SLC30A7: variants seen among roughly 807,000 people sequenced by gnomAD.
SLC30A7 encodes the protein solute carrier family 30 member 7.
SLC30A7 carries 35 observed loss-of-function variants against 46.0 expected under a neutral mutation model. The ratio of observed to expected loss-of-function variants is 0.76; its 90% CI spans 0.58 to 1.01. SLC30A7 has a LOEUF of 1.01. Ranked by LOEUF, SLC30A7 falls within the 50% of genes least tolerant of loss-of-function variation. SLC30A7 has a pLI of 0.00. For missense variants in SLC30A7, 464 were observed against 451.1 expected (o/e 1.03, Z -0.26); for synonymous variants, 147 against 157.8 (o/e 0.93, Z 0.51).
the SLC30A7 span, chr1:100,990,661 A>T: frequency 6.3e-6 from 10 of 1,596,152 alleles, no homozygotes; most frequent in African/African-American, 1.3e-5. Flanking sequence ...CTGCTATTCA[A>T]TTCAGCAAAT....
At chr1:100,906,449 A>G (rs143384556) in intron 2 of SLC30A7, among the ~76,000 whole-genome samples, 1 of 152,270 alleles carries the variant, frequency 6.6e-6, no homozygotes, top group East Asian at 1.9e-4. Flanking sequence ...GTGGAGCAGG[A>G]TACTCAACAA....
downstream of SLC30A7, among the ~76,000 whole-genome samples, chr1:100,986,145 C>A (rs914773296): frequency 1.3e-5 from 2 of 152,212 alleles, no homozygotes; most frequent in Admixed American, 1.3e-4. Context: ...CACAGTGGCT[C>A]ATGCCTGTAA....
Position 100,978,214 on chromosome 1 carries a change from C to T in SLC30A7, c.*3357C>T, listed in dbSNP as rs1656679181. 1 of 152,166 alleles carries T rather than the reference C, an allele frequency of 6.6e-6. No homozygotes were observed. The highest frequency in any genetic ancestry group is 1.5e-5 in the Non-Finnish European group (1 of 68,034). 9.4% of individuals were successfully genotyped at this position (152,166 alleles called of 1,614,324 possible). ...CCTTGTGCTGTCATTTCCCTTATAT[C>T]TGGAATTTGTCAGCATTCCTGAAAA... On this transcript the variant is annotated 3_prime_UTR_variant, in exon 11 of 11. Coordinates refer to ENST00000357650, the MANE Select transcript of SLC30A7 (RefSeq NM_133496.5).
At chr1:100,944,083 G>A (rs936674273) in intron 8 of SLC30A7, among the ~76,000 whole-genome samples, 9 of 152,136 alleles carry the variant, frequency 5.9e-5, no homozygotes, top group African/African-American at 2.2e-4. Flanking sequence ...ACAGGGTCTG[G>A]CTCTGTCACC....
In SLC30A7 at chr1:100,965,696, GT is replaced by G. The variant is rs1655819218; in HGVS notation, c.934-71del. 2.4e-6 allele frequency: 3 copies of G among 1,236,758 alleles called. No homozygotes were observed. In the African/African-American group the frequency reaches 4.5e-5, roughly 19 times the overall value. The allele number at this position is 1,236,758 out of a possible 1,614,324, so 76.6% of individuals were successfully genotyped here. On this transcript the variant is annotated intron_variant, in intron 9 of 10. Coordinates refer to ENST00000357650, the MANE Select transcript of SLC30A7 (RefSeq NM_133496.5). ...CGATAGAATCCATGTTTACTGATAT[GT>G]TGCATAATAACTTAAGTAAAAGGGA...
chr1:100,945,252 C>T (rs866664689), intron 8 of SLC30A7, among the ~76,000 whole-genome samples: 13 of 152,148 alleles, frequency 8.5e-5, no homozygotes, highest in South Asian at 4.2e-4. Context: ...TTCACTCTGA[C>T]GGTAGTTTCT....
At chr1:100,916,182 T>TATTC (rs2101025088) in intron 6 of SLC30A7, among the ~76,000 whole-genome samples, 1 of 151,818 alleles carries the variant, frequency 6.6e-6, no homozygotes, top group East Asian at 1.9e-4. Flanking sequence ...ATATTCTTAT[T>TATTC]ATTTATTTAT....
At chr1:100,919,872 G>A (rs938477202) in intron 7 of SLC30A7, among the ~76,000 whole-genome samples, 5 of 152,084 alleles carry the variant, frequency 3.3e-5, no homozygotes, top group African/African-American at 1.2e-4. Flanking sequence ...AATTAATTAT[G>A]TTTTTCAATT....
chr1:100,941,990 G>A (rs1023085840), intron 8 of SLC30A7: 2 of 244,962 alleles, frequency 8.2e-6, no homozygotes, highest in Admixed American at 4.8e-5. Flanking sequence ...AACTGACTGC[G>A]ACGTGACGGC....
chr1:100,906,155 T>C (rs1651653065), intron 2 of SLC30A7, among the ~76,000 whole-genome samples: 1 of 152,192 alleles, frequency 6.6e-6, no homozygotes, highest in African/African-American at 2.4e-5. Flanking sequence ...TCCTACTACT[T>C]TGTGATTAGT....
rs572428699 is a variant in SLC30A7, at chr1:100,961,203, C to T, written c.843-625C>T. 1.2e-3 allele frequency among the ~76,000 whole-genome samples: 180 copies of T among 152,028 alleles called. 1 individual carries two copies. The highest frequency in any genetic ancestry group is 4.2e-3 in the African/African-American group (175 of 41,478). On this transcript the variant is annotated intron_variant, in intron 8 of 10. Coordinates refer to ENST00000357650, the MANE Select transcript of SLC30A7 (RefSeq NM_133496.5). The stretch of plus-strand genomic sequence containing the variant: ...GTCTCGATATCCTGACCTTGTGATC[C>T]ACCCGCCTTGGCTTCCCAAAGTGCT...
rs1656506561 is a variant in SLC30A7, at chr1:100,976,371, A to G, written c.*1514A>G. The stretch of plus-strand genomic sequence containing the variant: ...AGCAGCATTTTATTGAGTTTGAATT[A>G]TTAAAGGTACAGAGGAAATGTGGTG... On this transcript the variant is annotated 3_prime_UTR_variant, in exon 11 of 11. Coordinates refer to ENST00000357650, the MANE Select transcript of SLC30A7 (RefSeq NM_133496.5). The G allele has an allele frequency of 6.6e-6, 1 of 152,242 alleles. No homozygotes were observed. Among genetic ancestry groups the G allele is most frequent in the South Asian group, 2.1e-4 (1 of 4,836 alleles). 9.4% of individuals were successfully genotyped at this position (152,242 alleles called of 1,614,324 possible).
At chr1:100,961,595 T>A (rs1434735746) in intron 8 of SLC30A7, among the ~76,000 whole-genome samples, 1 of 152,260 alleles carries the variant, frequency 6.6e-6, no homozygotes, top group East Asian at 1.9e-4. Flanking sequence ...ATTTCAGTTT[T>A]ATAGCTTTAC....
chr1:100,957,341 G>A (rs1261342805), intron 8 of SLC30A7, among the ~76,000 whole-genome samples: 1 of 152,150 alleles, frequency 6.6e-6, no homozygotes, highest in Non-Finnish European at 1.5e-5. Context: ...AAATCATTTT[G>A]CCAAGTATAT....
chr1:100,939,575 G>A (rs1007382725), intron 8 of SLC30A7, among the ~76,000 whole-genome samples: 3 of 151,660 alleles, frequency 2.0e-5, no homozygotes, highest in African/African-American at 7.3e-5. Flanking sequence ...GGTGGCTCTC[G>A]CCTGTAATCC....
At position 100,915,050 on chromosome 1, in the gene SLC30A7, T is replaced by C. The variant is rs115908184; in HGVS notation, c.655+1244T>C. Among the ~76,000 whole-genome samples, 996 of 146,760 alleles carry C rather than the reference T, an allele frequency of 6.8e-3. 17 individuals carry two copies. The highest frequency in any genetic ancestry group is 0.022 in the African/African-American group (870 of 39,680). On this transcript the variant is annotated intron_variant, in intron 6 of 10. Coordinates refer to ENST00000357650, the MANE Select transcript of SLC30A7 (RefSeq NM_133496.5). The stretch of plus-strand genomic sequence containing the variant: ...AAGTATGCACCCATGAAACCATCAC[T>C]ATGATTTCTCCAATAAACATATCCG...
intron 6 of SLC30A7, 125 bp downstream of exon 6, chr1:100,913,931 T>C (rs1435047597): frequency 4.5e-6 from 6 of 1,339,810 alleles, no homozygotes; most frequent in Non-Finnish European, 6.0e-6. Context: ...TGAATCAGTC[T>C]AAATGGTTCC....
Position 100,913,736 on chromosome 1 carries a change from C to A in SLC30A7, c.585C>A (p.Ser195Arg). The change falls in exon 6 of 11, where the codon AGC (serine) becomes AGA (arginine). Residue 195 changes from serine to arginine, a missense_variant. Ser to Arg is a moderately radical substitution (Grantham distance 110). Transcript: ENST00000357650. ...QAHGHVDHCH[S>R]HEVKHGAAHS... ...ATGGCCATGTCGATCATTGCCATAG[C>A]CATGAAGTGAAACATGGTGCTGCAC... The A allele has an allele frequency of 1.2e-6, 2 of 1,613,884 alleles. No homozygotes were observed. The highest frequency in any genetic ancestry group is 1.7e-5 in the Admixed American group (1 of 60,006).
chr1:100,963,168 A>G (rs546343070), intron 9 of SLC30A7, among the ~76,000 whole-genome samples: 1 of 152,332 alleles, frequency 6.6e-6, no homozygotes, highest in East Asian at 1.9e-4. Context: ...CAATATATGA[A>G]TAACATCTAA....
Sources: allele counts gnomAD v4.1 joint callset (sites outside exome capture counted in the v4.1 genomes callset), GRCh38; gene constraint gnomAD v4.1.1; transcripts MANE v1.5; gene names NCBI Gene and HGNC (gene_info 2026-07-23, HGNC 2026-07-21).